PPP1R12B: variants seen among roughly 807,000 people sequenced by gnomAD.
PPP1R12B encodes the protein protein phosphatase 1 regulatory subunit 12B.
A neutral mutation model predicts 126.1 loss-of-function variants in PPP1R12B; 76 were observed. The ratio of observed to expected loss-of-function variants is 0.60; its 90% CI spans 0.50 to 0.73. The LOEUF is 0.73. Ranked by LOEUF, PPP1R12B falls within the 30% of genes least tolerant of loss-of-function variation. The pLI is 0.00. For synonymous variants in PPP1R12B, 356 were observed against 434.7 expected (o/e 0.82, Z 2.25); for missense variants, 1,052 against 1,205.1 (o/e 0.87, Z 1.88).
intron 23 of PPP1R12B, among the ~76,000 whole-genome samples, chr1:202,572,625 C>G (rs1174451030): frequency 6.6e-6 from 1 of 152,154 alleles, no homozygotes; most frequent in Non-Finnish European, 1.5e-5. Context: ...CAGGCCTGCA[C>G]CTGGTCTTGG....
chr1:202,533,000 G>C (rs1199413773), intron 18 of PPP1R12B, among the ~76,000 whole-genome samples: 1 of 151,024 alleles, frequency 6.6e-6, no homozygotes, highest in Non-Finnish European at 1.5e-5. Flanking sequence ...CTCCCGAGTA[G>C]CTGGGATTAC....
At chr1:202,513,216 C>T (rs556663939) in intron 18 of PPP1R12B, among the ~76,000 whole-genome samples, 72 of 152,226 alleles carry the variant, frequency 4.7e-4, no homozygotes, top group African/African-American at 1.6e-3. Context: ...TCAGGTGATC[C>T]GCCCGCCTCA....
chr1:202,478,915 T>C (rs1034665972), intron 13 of PPP1R12B, among the ~76,000 whole-genome samples: 1 of 152,212 alleles, frequency 6.6e-6, no homozygotes, highest in Non-Finnish European at 1.5e-5. Context: ...GGGAGCCCTT[T>C]TTCTTTCACT....
rs35190931 is a variant in PPP1R12B at position 202,389,926 on chromosome 1, CAA to C, written c.292-26842_292-26841del. On this transcript the variant is annotated intron_variant, in intron 1 of 23. Coordinates refer to ENST00000608999, the MANE Select transcript of PPP1R12B (RefSeq NM_002481.4). ...TGGGCGACAGAGCGGGACTCTGTCT[CAA>C]AAAAAAAAAAAAAAAAAATCCACAT... is the stretch of plus-strand genomic sequence containing the variant. Among the ~76,000 whole-genome samples, 154 of 95,798 alleles carry C rather than the reference CAA, an allele frequency of 1.6e-3. 2 individuals carry two copies. The highest frequency in any genetic ancestry group is 2.9e-3 in the East Asian group (10 of 3,468). The allele number at this position is 95,798 out of a possible 152,430, so 62.8% of individuals were successfully genotyped here.
intron 18 of PPP1R12B, among the ~76,000 whole-genome samples, chr1:202,557,573 A>G (rs1423667657): frequency 1.3e-5 from 2 of 152,288 alleles, no homozygotes; most frequent in African/African-American, 4.8e-5. Flanking sequence ...AAATGGGGGC[A>G]TGTCTCCATG....
At chr1:202,495,010 A>G (rs998538587) in intron 15 of PPP1R12B, among the ~76,000 whole-genome samples, 19 of 151,596 alleles carry the variant, frequency 1.3e-4, no homozygotes, top group African/African-American at 4.4e-4. Flanking sequence ...GGTTAATGCT[A>G]TCTAGTACCC....
chr1:202,552,151 T>TA (rs1285094769), intron 18 of PPP1R12B, among the ~76,000 whole-genome samples: 1 of 152,176 alleles, frequency 6.6e-6, no homozygotes, highest in African/African-American at 2.4e-5. Context: ...TTTTTTGATA[T>TA]AAAAAACAGC....
intron 5 of PPP1R12B, among the ~76,000 whole-genome samples, 184 bp downstream of exon 5, chr1:202,427,368 A>G (rs896011330): frequency 1.3e-5 from 2 of 152,194 alleles, no homozygotes; most frequent in African/African-American, 4.8e-5. Flanking sequence ...TTTGTTATTT[A>G]AAATAAAACT....
intron 23 of PPP1R12B, chr1:202,576,984 A>G (rs1572566661): frequency 6.6e-6 from 1 of 152,206 alleles, no homozygotes; most frequent in East Asian, 1.9e-4. Flanking sequence ...AGTTTTCACC[A>G]TTTGTTAAGC....
intron 1 of PPP1R12B, among the ~76,000 whole-genome samples, chr1:202,364,333 AG>A (rs1658748533): frequency 6.6e-6 from 1 of 152,110 alleles, no homozygotes; most frequent in African/African-American, 2.4e-5. Context: ...TAGAAACATC[AG>A]GGGTCATTAT....
At chr1:202,482,584 A>T (rs1184980914) in intron 13 of PPP1R12B, among the ~76,000 whole-genome samples, 2 of 152,102 alleles carry the variant, frequency 1.3e-5, no homozygotes, top group Non-Finnish European at 1.5e-5. Flanking sequence ...TTTTAAAATC[A>T]GGTTTTTGTT....
intron 15 of PPP1R12B, 120 bp downstream of exon 15, chr1:202,493,437 A>G: frequency 1.8e-6 from 2 of 1,107,618 alleles, no homozygotes; most frequent in South Asian, 1.7e-5. Context: ...CTCACTCAGT[A>G]TGGCTGTCTT....
chr1:202,387,404 A>G (rs1293063596), intron 1 of PPP1R12B, among the ~76,000 whole-genome samples: 2 of 152,208 alleles, frequency 1.3e-5, no homozygotes, highest in Non-Finnish European at 2.9e-5. Flanking sequence ...AATTAAGTGA[A>G]GACTTTGGCA....
chr1:202,389,012 G>A (rs902521388), intron 1 of PPP1R12B, among the ~76,000 whole-genome samples: 8 of 152,298 alleles, frequency 5.3e-5, no homozygotes, highest in Non-Finnish European at 8.8e-5. Flanking sequence ...TGATAATGGT[G>A]ACATTTCAAA....
chr1:202,433,392 G>C (rs924653215), intron 8 of PPP1R12B, among the ~76,000 whole-genome samples: 1 of 152,076 alleles, frequency 6.6e-6, no homozygotes, highest in African/African-American at 2.4e-5. Context: ...ATTGCTATTG[G>C]CATAAACACC....
At position 202,348,744 on chromosome 1, in the gene PPP1R12B, G is replaced by T. The variant is rs958039270; in HGVS notation, c.-108G>T. On this transcript the variant is annotated 5_prime_UTR_variant, in exon 1 of 24. Coordinates refer to ENST00000608999, the MANE Select transcript of PPP1R12B (RefSeq NM_002481.4). ...TAAAGATGGCGGCGCGAGGGTCTCC[G>T]CCCTCTGCTCCGGGCTGAAGCGCTC... 8 of 1,378,502 alleles carry T rather than the reference G, an allele frequency of 5.8e-6. No individual in the cohort carries two copies. Among genetic ancestry groups the T allele is most frequent in the Non-Finnish European group, 7.7e-6 (8 of 1,035,610 alleles). 85.4% of individuals were successfully genotyped at this position (1,378,502 alleles called of 1,614,324 possible).
At chr1:202,371,437 C>T (rs148121359) in intron 1 of PPP1R12B, among the ~76,000 whole-genome samples, 1 of 151,940 alleles carries the variant, frequency 6.6e-6, no homozygotes, top group African/African-American at 2.4e-5. Context: ...TCTGCAATGA[C>T]TAGTGATGTT....
intron 13 of PPP1R12B, chr1:202,462,740 A>C: frequency 1.0e-6 from 1 of 973,934 alleles, no homozygotes; most frequent in Non-Finnish European, 1.2e-6. Flanking sequence ...TTAGAAAAGG[A>C]CAGTTGCTGG....
At chr1:202,394,790 AAGG>A (rs1163760974) in intron 1 of PPP1R12B, among the ~76,000 whole-genome samples, 1 of 151,912 alleles carries the variant, frequency 6.6e-6, no homozygotes, top group Non-Finnish European at 1.5e-5. Context: ...AGAAAAGAGA[AAGG>A]AGAAAAAAGA....
Sources: gnomAD v4.1 joint callset for allele counts (sites outside exome capture counted in the v4.1 genomes callset) on GRCh38, gnomAD v4.1.1 for gene constraint, MANE v1.5 for transcripts, NCBI Gene and HGNC (gene_info 2026-07-23, HGNC 2026-07-21) for gene names.